TMEM132B: variants seen among roughly 807,000 people sequenced by gnomAD.
TMEM132B encodes transmembrane protein 132B.
TMEM132B carries 18 observed loss-of-function variants against 90.8 expected under a neutral mutation model. That is an observed-to-expected ratio of 0.20 (90% CI 0.14 to 0.29). The LOEUF (loss-of-function observed/expected upper bound fraction) is 0.29, where lower values mean the gene tolerates loss of function less well. Among genes scored for constraint, TMEM132B ranks in the 10% least tolerant of loss-of-function variants. The probability of loss-of-function intolerance (pLI) is 1.00; values close to 1 mark genes in which losing one functional copy is unlikely to be tolerated. For missense variants in TMEM132B, 1,096 were observed against 1,326.8 expected, an observed-to-expected ratio of 0.83 and a Z score of 2.70; for synonymous variants, 504 against 523.3, an observed-to-expected ratio of 0.96 and a Z score of 0.50.
intron 6 of TMEM132B, among the ~76,000 whole-genome samples, chr12:125,650,412 C>T (rs138616589): frequency 9.2e-5 from 14 of 152,240 alleles, no homozygotes; most frequent in South Asian, 2.1e-4. Context: ...GTTTCCAGGA[C>T]GCCAAGACCA....
chr12:125,612,475 A>G (rs1318825200), intron 5 of TMEM132B, among the ~76,000 whole-genome samples: 2 of 150,594 alleles, frequency 1.3e-5, no homozygotes, highest in Non-Finnish European at 3.0e-5. Flanking sequence ...AAAAATAAAT[A>G]AATAAACAAT....
intron 1 of TMEM132B, among the ~76,000 whole-genome samples, chr12:125,294,652 T>C (rs1050248280): frequency 6.6e-6 from 1 of 152,236 alleles, no homozygotes; most frequent in African/African-American, 2.4e-5. Flanking sequence ...CTCAATTCCC[T>C]ACCATACAAA....
At chr12:125,309,911 T>G (rs987777125) in intron 1 of TMEM132B, among the ~76,000 whole-genome samples, 1 of 151,734 alleles carries the variant, frequency 6.6e-6, no homozygotes, top group Non-Finnish European at 1.5e-5. Flanking sequence ...CTCAAAGGAG[T>G]CATCTCAGGG....
intron 5 of TMEM132B, chr12:125,584,255 C>T (rs1015012587): frequency 4.1e-6 from 2 of 487,886 alleles, no homozygotes; most frequent in Non-Finnish European, 3.7e-6. Flanking sequence ...TTATTCTCCT[C>T]CCCTTCTTGT....
intron 3 of TMEM132B, among the ~76,000 whole-genome samples, chr12:125,499,290 T>C (rs1882634272): frequency 6.6e-6 from 1 of 152,182 alleles, no homozygotes; most frequent in Non-Finnish European, 1.5e-5. Flanking sequence ...TCAGAGGAGA[T>C]TGGATTTGAG....
At chr12:125,215,576 C>G (rs1330408513) in intron 1 of TMEM132B, among the ~76,000 whole-genome samples, 1 of 152,148 alleles carries the variant, frequency 6.6e-6, no homozygotes, top group Non-Finnish European at 1.5e-5. Flanking sequence ...GAGTCTCGCT[C>G]TGTTGCCCAG....
chr12:125,270,231 C>G (rs375848118), intron 1 of TMEM132B, among the ~76,000 whole-genome samples: 1 of 151,894 alleles, frequency 6.6e-6, no homozygotes, highest in African/African-American at 2.4e-5. Context: ...CGAACTCCTA[C>G]GCTCAAGCCA....
At chr12:125,537,080 C>T (rs1263491185) in intron 4 of TMEM132B, among the ~76,000 whole-genome samples, 1 of 151,962 alleles carries the variant, frequency 6.6e-6, no homozygotes, top group African/African-American at 2.4e-5. Flanking sequence ...TCCCTGGTAT[C>T]CTTGAGGGAT....
Position 125,254,659 on chromosome 12 carries a change from A to G in TMEM132B, c.67+67793A>G, listed in dbSNP as rs1874392781. The stretch of plus-strand genomic sequence containing the variant: ...AGGTCCTCTCTCCTGGGACTTAGGA[A>G]TGGGCCTAGGAGCCTCTTCCTACTT... On this transcript the variant is annotated intron_variant, in intron 1 of 8. Transcript: ENST00000682704. Among the ~76,000 whole-genome samples, 6 of 149,518 alleles carry G rather than the reference A, an allele frequency of 4.0e-5. No individual in the cohort carries two copies. In the South Asian group the frequency reaches 1.3e-3, roughly 32 times the overall value.
At chr12:125,630,359 A>G (rs900237015) in intron 5 of TMEM132B, among the ~76,000 whole-genome samples, 3 of 151,960 alleles carry the variant, frequency 2.0e-5, no homozygotes, top group African/African-American at 7.2e-5. Flanking sequence ...TCATGATTCA[A>G]TCATGGTGGG....
intron 4 of TMEM132B, among the ~76,000 whole-genome samples, chr12:125,537,117 A>T (rs1883824557): frequency 6.6e-6 from 1 of 152,162 alleles, no homozygotes; most frequent in African/African-American, 2.4e-5. Context: ...CCATGATACC[A>T]AAATCTGTGC....
At chr12:125,545,521 C>A (rs1884066912) in intron 4 of TMEM132B, among the ~76,000 whole-genome samples, 1 of 152,192 alleles carries the variant, frequency 6.6e-6, no homozygotes, top group South Asian at 2.1e-4. Context: ...AATGCCTTTC[C>A]CTGCCACACA....
intron 5 of TMEM132B, among the ~76,000 whole-genome samples, chr12:125,639,320 T>A (rs1886569344): frequency 6.6e-6 from 1 of 152,242 alleles, no homozygotes; most frequent in South Asian, 2.1e-4. Flanking sequence ...CTTTCACTTT[T>A]CTTAATGTCA....
chr12:125,353,574 C>G lies in TMEM132B; in HGVS notation c.959+3231C>G, dbSNP rs188907356. On this transcript the variant is annotated intron_variant, in intron 2 of 8. Coordinates refer to ENST00000682704, the MANE Select transcript of TMEM132B (RefSeq NM_001366854.1). Reference sequence around the variant, plus strand: ...CCATTACATGAATTAACTGATTAAACTCTGTCAACAGACAACTGAAAGAGG... The same window carrying G: ...CCATTACATGAATTAACTGATTAAAGTCTGTCAACAGACAACTGAAAGAGG... 1.7e-3 allele frequency among the ~76,000 whole-genome samples: 258 copies of G among 152,366 alleles called. 2 individuals are homozygous for G. Among genetic ancestry groups the G allele is most frequent in the Non-Finnish European group, 4.1e-4 (28 of 68,042 alleles).
chr12:125,281,130 A>T (rs373639479), intron 1 of TMEM132B, among the ~76,000 whole-genome samples: 1 of 152,192 alleles, frequency 6.6e-6, no homozygotes, highest in Non-Finnish European at 1.5e-5. Context: ...GATACAGGGC[A>T]TGCCTCCCTA....
At chr12:125,319,260 A>G (rs326384) in intron 1 of TMEM132B, among the ~76,000 whole-genome samples, 112,135 of 152,242 alleles carry the variant, frequency 0.74, 42,322 homozygotes, top group African/African-American at 0.89. Context: ...GCAGTGTACT[A>G]TGCACAACAC....
At chr12:125,649,334 A>C (rs1362032200) in intron 6 of TMEM132B, among the ~76,000 whole-genome samples, 1 of 152,222 alleles carries the variant, frequency 6.6e-6, no homozygotes, top group Non-Finnish European at 1.5e-5. Flanking sequence ...TTATGCAAAA[A>C]TAAGAACATG....
In TMEM132B at chr12:125,189,473, C is replaced by T. The variant is rs546534514; in HGVS notation, c.67+2607C>T. Among the ~76,000 whole-genome samples, 21 of 152,266 alleles carry T rather than the reference C, an allele frequency of 1.4e-4. No individual in the cohort carries two copies. In the South Asian group the frequency reaches 4.4e-3, roughly 32 times the overall value. ...GGCTTTCAGGGCAGAGGCTCTCTTC[C>T]TCCTGCCTGGCACCTTGGTGTGGCA... On this transcript the variant is annotated intron_variant, in intron 1 of 8. Coordinates refer to ENST00000682704, the MANE Select transcript of TMEM132B (RefSeq NM_001366854.1).
intron 3 of TMEM132B, among the ~76,000 whole-genome samples, chr12:125,474,063 TTCC>T (rs1369795086): frequency 5.3e-3 from 215 of 40,304 alleles, no homozygotes; most frequent in African/African-American, 0.03. Context: ...TCTTTTTCCT[TTCC>T]TTTCCTTTCC....
Sources: allele counts gnomAD v4.1 joint callset (sites outside exome capture counted in the v4.1 genomes callset), GRCh38; gene constraint gnomAD v4.1.1; transcripts MANE v1.5; gene names NCBI Gene and HGNC (gene_info 2026-07-23, HGNC 2026-07-21).